DOCK3: variants seen among roughly 807,000 people sequenced by gnomAD.
DOCK3 encodes the protein dedicator of cytokinesis 3.
A neutral mutation model predicts 265.6 loss-of-function variants in DOCK3; 60 were observed. The ratio of observed to expected loss-of-function variants is 0.23; its 90% confidence interval spans 0.18 to 0.28. DOCK3 has a LOEUF of 0.28. DOCK3 is among the 10% of genes least tolerant of loss of function. DOCK3 has a pLI of 1.00. For missense variants in DOCK3, 1,981 were observed against 2,594.3 expected, an observed-to-expected ratio of 0.76 and a Z score of 5.14; for synonymous variants, 881 against 938.0, an observed-to-expected ratio of 0.94 and a Z score of 1.11.
At chr3:50,785,497 A>T (rs1430875082) in intron 2 of DOCK3, among the ~76,000 whole-genome samples, 1 of 152,136 alleles carries the variant, frequency 6.6e-6, no homozygotes, top group Non-Finnish European at 1.5e-5. Flanking sequence ...TTCTATGCCA[A>T]TTTTGCTGAG....
intron 5 of DOCK3, among the ~76,000 whole-genome samples, chr3:51,022,580 T>G (rs2079639465): frequency 6.6e-6 from 1 of 152,220 alleles, no homozygotes; most frequent in African/African-American, 2.4e-5. Flanking sequence ...ACATTTAATT[T>G]ATGCATATAA....
chr3:50,703,891 A>C (rs924456196), intron 1 of DOCK3, among the ~76,000 whole-genome samples: 2 of 151,012 alleles, frequency 1.3e-5, no homozygotes. Flanking sequence ...GTTAACTTCT[A>C]CTTTTTTAAT....
intron 32 of DOCK3, among the ~76,000 whole-genome samples, chr3:51,318,215 CT>C (rs974825524): frequency 2.0e-4 from 30 of 151,926 alleles, no homozygotes; most frequent in African/African-American, 7.0e-4. Context: ...CCCATCTCTA[CT>C]AAAAACATAA....
At chr3:51,352,751 C>T (rs557682905) in intron 40 of DOCK3, among the ~76,000 whole-genome samples, 1 of 152,340 alleles carries the variant, frequency 6.6e-6, no homozygotes, top group East Asian at 1.9e-4. Flanking sequence ...GGAGGTAGCT[C>T]TTTGCCTTGC....
At chr3:51,338,270 C>G in intron 35 of DOCK3, 89 bp from the exon 36 acceptor site, 1 of 1,434,234 alleles carries the variant, frequency 7.0e-7, no homozygotes, top group Non-Finnish European at 9.6e-7. Context: ...GGGATTTGGT[C>G]ATACTAATGC....
intron 38 of DOCK3, among the ~76,000 whole-genome samples, chr3:51,341,966 C>A (rs528118783): frequency 1.3e-5 from 2 of 152,342 alleles, no homozygotes; most frequent in East Asian, 3.9e-4. Context: ...CATTCTCCTC[C>A]CATCTCTGGG....
intron 26 of DOCK3, chr3:51,278,559 G>T (rs2080941539): frequency 2.0e-6 from 2 of 985,208 alleles, no homozygotes; most frequent in Non-Finnish European, 1.2e-6. Context: ...GGCTTGGAAA[G>T]AGTGTCTGCT....
At position 50,731,117 on chromosome 3, in the gene DOCK3, G is replaced by A. The variant is rs1424359799; in HGVS notation, c.38-47558G>A. Among the ~76,000 whole-genome samples the A allele has an allele frequency of 8.8e-5, 13 of 146,938 alleles. 1 individual carries two copies. Among genetic ancestry groups the A allele is most frequent in the Non-Finnish European group, 3.0e-5 (2 of 67,504 alleles). On this transcript the variant is annotated intron_variant, in intron 1 of 52. Coordinates refer to ENST00000266037, the MANE Select transcript of DOCK3 (RefSeq NM_004947.5). ...ACTGCACTCCAGCCTGGGTGACTGA[G>A]CAAGACTCTGTCTCAAAAAAAAAAA...
chr3:51,314,562 T>C (rs2083263620), intron 31 of DOCK3, among the ~76,000 whole-genome samples: 1 of 152,226 alleles, frequency 6.6e-6, no homozygotes. Flanking sequence ...GGGCTAGAGC[T>C]AGAAACTCCA....
At chr3:51,378,334 A>G (rs2088310377) in intron 51 of DOCK3, among the ~76,000 whole-genome samples, 1 of 152,206 alleles carries the variant, frequency 6.6e-6, no homozygotes, top group Admixed American at 6.5e-5. Context: ...AGGATGATGG[A>G]TGTCACAGTC....
intron 22 of DOCK3, among the ~76,000 whole-genome samples, chr3:51,249,707 C>T (rs2079088689): frequency 7.7e-6 from 1 of 129,212 alleles, no homozygotes; most frequent in Non-Finnish European, 1.7e-5. Flanking sequence ...AGGGGCGCCT[C>T]TGCCCGGCCG....
In DOCK3 at chr3:51,228,108, T is replaced by G. The variant is rs753305507; in HGVS notation, c.1647+20T>G. ...TACAAGGTATGAAGCCTAGCTGCCT[T>G]TCATCCCCACCCCTTACCTGCCCTG... On this transcript the variant is annotated intron_variant, in intron 17 of 52. Coordinates refer to ENST00000266037, the MANE Select transcript of DOCK3 (RefSeq NM_004947.5). 1.7e-5 allele frequency: 28 copies of G among 1,612,086 alleles called. No individual in the cohort carries two copies. Among genetic ancestry groups the G allele is most frequent in the Non-Finnish European group, 2.3e-5 (27 of 1,178,334 alleles).
intron 1 of DOCK3, among the ~76,000 whole-genome samples, chr3:50,693,530 CTTTTTTTTTTTTT>C (rs35261130): frequency 3.1e-5 from 2 of 64,278 alleles, no homozygotes; most frequent in Non-Finnish European, 5.7e-5. Context: ...ATTTCCTTTC[CTTTTTTTTTTTTT>C]TTTTTTTTTT....
intron 1 of DOCK3, among the ~76,000 whole-genome samples, chr3:50,729,870 C>T (rs1176256986): frequency 7.0e-6 from 1 of 143,186 alleles, no homozygotes; most frequent in Non-Finnish European, 1.5e-5. Flanking sequence ...ACTTCAGTGG[C>T]CCAGGCTGGA....
chr3:51,260,401 C>T, intron 23 of DOCK3, 75 bp downstream of exon 23: 3 of 1,468,960 alleles, frequency 2.0e-6, no homozygotes, highest in Non-Finnish European at 9.1e-7. Context: ...CTCTGGTTTT[C>T]AGAGATGAAG....
chr3:51,375,537 T>C (rs1359884389), intron 50 of DOCK3, among the ~76,000 whole-genome samples: 2 of 152,138 alleles, frequency 1.3e-5, no homozygotes, highest in African/African-American at 4.8e-5. Flanking sequence ...ATTGCAAATA[T>C]TGTGTATAGA....
chr3:50,800,689 T>C (rs751858778), intron 2 of DOCK3, among the ~76,000 whole-genome samples: 5 of 152,174 alleles, frequency 3.3e-5, no homozygotes, highest in Non-Finnish European at 7.4e-5. Flanking sequence ...TCATTATTAT[T>C]TCTTTACTTC....
intron 1 of DOCK3, chr3:50,719,730 A>G: frequency 7.4e-7 from 1 of 1,347,104 alleles, no homozygotes; most frequent in Admixed American, 1.7e-5. Flanking sequence ...CTTATCATCA[A>G]ATTTCTCCCT....
chr3:50,955,298 C>T (rs1268638443), intron 5 of DOCK3, among the ~76,000 whole-genome samples: 6 of 152,140 alleles, frequency 3.9e-5, no homozygotes, highest in Non-Finnish European at 7.4e-5. Flanking sequence ...GAGCTAAAAA[C>T]AGAACTACTA....
Sources: gnomAD v4.1 joint callset for allele counts (sites outside exome capture counted in the v4.1 genomes callset) on GRCh38, gnomAD v4.1.1 for gene constraint, MANE v1.5 for transcripts, NCBI Gene and HGNC (gene_info 2026-07-23, HGNC 2026-07-21) for gene names.